The following DIS3L2 variants were observed in gnomAD, a reference collection of about 807,000 sequenced individuals.
DIS3L2 encodes DIS3-like exonuclease 2.
In DIS3L2, 34 loss-of-function variants were observed where a neutral mutation model predicts 97.5. The ratio of observed to expected loss-of-function variants is 0.35; its 90% CI spans 0.27 to 0.46. DIS3L2 has a LOEUF of 0.46. Among genes scored for constraint, DIS3L2 ranks in the 20% least tolerant of loss-of-function variants. DIS3L2 has a pLI of 1.00. For missense variants in DIS3L2, 1,038 were observed against 1,146.0 expected (o/e 0.91, Z 1.36); for synonymous variants, 435 against 445.2 (o/e 0.98, Z 0.29).
chr2:232,135,939 A>G (rs183846094), intron 7 of DIS3L2, among the ~76,000 whole-genome samples: 177 of 152,264 alleles, frequency 1.2e-3, no homozygotes, highest in African/African-American at 3.7e-3. Flanking sequence ...TCACATGTGT[A>G]TGTGGTGGAG....
At chr2:232,317,464 TCTCA>T (rs1246778041) in intron 14 of DIS3L2, among the ~76,000 whole-genome samples, 2 of 152,044 alleles carry the variant, frequency 1.3e-5, no homozygotes, top group African/African-American at 2.4e-5. Context: ...GTAGGCAGAG[TCTCA>T]CTCTGTTGCC....
downstream of DIS3L2, among the ~76,000 whole-genome samples, chr2:232,339,295 C>T (rs1181397579): frequency 6.6e-6 from 1 of 152,226 alleles, no homozygotes. Context: ...AAGCGGGCGC[C>T]AGAGGAGGCG....
At chr2:232,073,206 A>T (rs1696087019) in intron 5 of DIS3L2, among the ~76,000 whole-genome samples, 1 of 152,156 alleles carries the variant, frequency 6.6e-6, no homozygotes, top group African/African-American at 2.4e-5. Context: ...GGGATTTGAA[A>T]GTTTGTTAAA....
Position 232,269,057 on chromosome 2 carries a change from G to C in DIS3L2, c.1659+5617G>C. Among the ~76,000 whole-genome samples the C allele has an allele frequency of 6.6e-6, 1 of 152,200 alleles. No homozygotes were observed. Among genetic ancestry groups the C allele is most frequent in the East Asian group, 1.9e-4 (1 of 5,188 alleles). The stretch of plus-strand genomic sequence containing the variant: ...CTCATTTCCCACTTCTGCAAGCTCA[G>C]CAGCTCTTCACAGTCAGGTCTTCAT... On this transcript the variant is annotated intron_variant, in intron 13 of 20. Transcript: ENST00000325385. This position sits in a 1 kb window ranked among gnomAD's most constrained non-coding sequence, Gnocchi z 4.5.
intron 8 of DIS3L2, among the ~76,000 whole-genome samples, chr2:232,137,909 A>G (rs193178566): frequency 1.2e-4 from 19 of 152,278 alleles, no homozygotes; most frequent in Admixed American, 1.1e-3. Context: ...CCTTCTTACA[A>G]GCTTGCCCGT....
chr2:232,006,435 G>A (rs184848508), intron 1 of DIS3L2, among the ~76,000 whole-genome samples: 70 of 152,224 alleles, frequency 4.6e-4, no homozygotes, highest in African/African-American at 1.5e-3. Context: ...GAGTACTAAT[G>A]GAGAAAAAGA....
At chr2:232,081,129 A>G (rs1276004771) in intron 5 of DIS3L2, among the ~76,000 whole-genome samples, 1 of 152,104 alleles carries the variant, frequency 6.6e-6, no homozygotes, top group Non-Finnish European at 1.5e-5. Context: ...CCTGTGTTCC[A>G]TTTCCTATAT....
intron 5 of DIS3L2, among the ~76,000 whole-genome samples, chr2:232,075,851 C>T (rs1294417298): frequency 2.6e-5 from 4 of 152,154 alleles, no homozygotes; most frequent in Non-Finnish European, 5.9e-5. Context: ...AAGCTCCTAC[C>T]ATGTTCCAGG....
At chr2:232,020,274 C>G (rs1694475710) in intron 3 of DIS3L2, among the ~76,000 whole-genome samples, 1 of 152,136 alleles carries the variant, frequency 6.6e-6, no homozygotes, top group South Asian at 2.1e-4. Flanking sequence ...TTGAACATAC[C>G]TCTCTGGGAA....
intron 6 of DIS3L2, among the ~76,000 whole-genome samples, chr2:232,096,400 T>A (rs1416538097): frequency 1.3e-5 from 2 of 152,190 alleles, no homozygotes; most frequent in Non-Finnish European, 2.9e-5. Flanking sequence ...GGGGTAGTTT[T>A]CTTTTAGTTA....
chr2:232,034,048 A>G lies in DIS3L2; in HGVS notation c.366+3968A>G, dbSNP rs146108512. ...GAATACTTTCAGAAGGAATGATACC[A>G]GCTCCTCTTTGTACCTCTGGTAGAA... On this transcript the variant is annotated intron_variant, in intron 5 of 20. Transcript: ENST00000325385. Among the ~76,000 whole-genome samples the G allele has an allele frequency of 2.8e-3, 427 of 152,298 alleles. 1 individual carries two copies. The highest frequency in any genetic ancestry group is 4.7e-3 in the Non-Finnish European group (317 of 68,034).
Position 232,014,860 on chromosome 2 carries a change from C to T in DIS3L2, c.-68C>T, listed in dbSNP as rs144258056. On this transcript the variant is annotated 5_prime_UTR_variant, in exon 2 of 21. Transcript: ENST00000325385. ...CGAATGACAACAGAGCTGCTCAAGG[C>T]GGGAACTCTGAGCTAAGCAGTGGAG... is the stretch of plus-strand genomic sequence containing the variant. The T allele has an allele frequency of 7.9e-5, 121 of 1,541,252 alleles. No homozygotes were observed. The highest frequency in any genetic ancestry group is 3.4e-4 in the African/African-American group (25 of 72,902).
At chr2:232,320,376 GTT>G (rs1296749042) in intron 14 of DIS3L2, among the ~76,000 whole-genome samples, 1 of 152,220 alleles carries the variant, frequency 6.6e-6, no homozygotes, top group Non-Finnish European at 1.5e-5. Context: ...AATCTTCTGT[GTT>G]TCATGTTTAT....
intron 5 of DIS3L2, among the ~76,000 whole-genome samples, chr2:232,086,641 A>ATGTG (rs1254799394): frequency 7.9e-5 from 4 of 50,630 alleles, no homozygotes; most frequent in Non-Finnish European, 1.1e-4. Flanking sequence ...ACATATATAT[A>ATGTG]TATGTATATA....
At chr2:232,273,332 G>C (rs1694055516) in intron 13 of DIS3L2, among the ~76,000 whole-genome samples, 3 of 152,058 alleles carry the variant, frequency 2.0e-5, no homozygotes, top group African/African-American at 4.8e-5. Flanking sequence ...TGTATCCCCA[G>C]CCCCTGCCCA....
intron 5 of DIS3L2, among the ~76,000 whole-genome samples, chr2:232,078,385 C>T (rs115681701): frequency 0.039 from 5,965 of 152,160 alleles, 316 homozygotes; most frequent in African/African-American, 0.13. Flanking sequence ...CCTTCCCCCC[C>T]GCCCCGCTCC....
At chr2:231,967,369 T>A (rs1324517090) in intron 1 of DIS3L2, among the ~76,000 whole-genome samples, 1 of 152,210 alleles carries the variant, frequency 6.6e-6, no homozygotes, top group African/African-American at 2.4e-5. Context: ...AAGTTTGTGG[T>A]GATTATCTAG....
At chr2:232,163,327 A>C in intron 8 of DIS3L2, 132 bp from the exon 9 acceptor site, 4 of 815,790 alleles carry the variant, frequency 4.9e-6, no homozygotes, top group Non-Finnish European at 7.6e-6. Flanking sequence ...TGATTTACGG[A>C]TGATCATGTT....
chr2:232,103,010 G>A (rs997954816), intron 6 of DIS3L2, among the ~76,000 whole-genome samples: 2 of 152,120 alleles, frequency 1.3e-5, no homozygotes, highest in African/African-American at 2.4e-5. Context: ...TGAGTTAACA[G>A]TGGATTAAGA....
Sources: allele counts gnomAD v4.1 joint callset (sites outside exome capture counted in the v4.1 genomes callset), GRCh38; gene constraint gnomAD v4.1.1; non-coding constraint Gnocchi (gnomAD v3.1); transcripts MANE v1.5; gene names NCBI Gene and HGNC (gene_info 2026-07-23, HGNC 2026-07-21).